The following AK9 variants were observed in gnomAD, a reference collection of about 807,000 sequenced individuals.
AK9 encodes the protein adenylate kinase domain containing 1.
A neutral mutation model predicts 239.6 loss-of-function variants in AK9; 191 were observed. The ratio of observed to expected loss-of-function variants is 0.80; its 90% CI spans 0.71 to 0.90. The LOEUF is 0.90. Among genes scored for constraint, AK9 ranks in the 40% least tolerant of loss-of-function variants. The probability of loss-of-function intolerance (pLI) is 0.00; values close to 1 mark genes in which losing one functional copy is unlikely to be tolerated. For missense variants in AK9, 1,995 were observed against 2,214.7 expected (o/e 0.90, Z 1.99); for synonymous variants, 689 against 721.0 (o/e 0.96, Z 0.71).
intron 6 of AK9, 144 bp from the exon 7 acceptor site, chr6:109,659,557 G>T: frequency 9.0e-7 from 1 of 1,105,198 alleles, no homozygotes; most frequent in Non-Finnish European, 1.2e-6. Flanking sequence ...CTGGCATTTT[G>T]CATCAGGTTT....
chr6:109,577,189 T>TA (rs1788208773), intron 20 of AK9, among the ~76,000 whole-genome samples: 1 of 152,156 alleles, frequency 6.6e-6, no homozygotes, highest in Non-Finnish European at 1.5e-5. Context: ...CTGAGGGTTT[T>TA]AATCATAAAG....
chr6:109,557,638 C>T (rs1785167955), intron 24 of AK9, among the ~76,000 whole-genome samples: 1 of 152,172 alleles, frequency 6.6e-6, no homozygotes, highest in Non-Finnish European at 1.5e-5. Flanking sequence ...ACCCCTCCTC[C>T]TATGTTGATG....
At chr6:109,500,458 T>C (rs1166782464) in intron 35 of AK9, among the ~76,000 whole-genome samples, 2 of 152,238 alleles carry the variant, frequency 1.3e-5, no homozygotes, top group African/African-American at 2.4e-5. Context: ...AAATACATTT[T>C]AGTTATAATG....
In AK9 at chr6:109,499,129, A is replaced by G. The variant is rs754683982; in HGVS notation, c.4961T>C (p.Phe1654Ser). Residue 1654 changes from phenylalanine to serine, a missense_variant, in exon 36 of 41, where the codon TTT (phenylalanine) becomes TCT (serine). Around this residue, in one of 5 missense-constraint regions of AK9, gnomAD observed 391 missense variants for 456.0 expected, o/e 0.86. Coordinates refer to ENST00000424296, the MANE Select transcript of AK9 (RefSeq NM_001145128.3). ...PVSLAESQEL[F>S]DCSATDSLEF... ...CAAGGAGTCAGTTGCAGAGCAATCA[A>G]ATAATTCCTGGGATTCTGCCAGGCT... 5.3e-5 allele frequency: 85 copies of G among 1,610,638 alleles called. 2 individuals carry two copies. Among genetic ancestry groups the G allele is most frequent in the South Asian group, 3.9e-4 (35 of 90,334 alleles).
intron 35 of AK9, among the ~76,000 whole-genome samples, chr6:109,500,502 T>G (rs906848910): frequency 1.3e-5 from 2 of 152,222 alleles, no homozygotes; most frequent in African/African-American, 2.4e-5. Flanking sequence ...GTTTTGTTAG[T>G]TGTCGTTTTA....
At chr6:109,618,054 T>C (rs1413501014) in intron 13 of AK9, among the ~76,000 whole-genome samples, 1 of 152,180 alleles carries the variant, frequency 6.6e-6, no homozygotes, top group African/African-American at 2.4e-5. Flanking sequence ...CGAATGGCTA[T>C]TATTACTTTT....
rs971613160 is a variant in AK9 at position 109,659,154 on chromosome 6, C to G, written c.630+74G>C. 2.1e-6 allele frequency: 3 copies of G among 1,419,280 alleles called. No homozygotes were observed. The African/African-American group carries it at 4.4e-5, about 21-fold the overall frequency. The allele number at this position is 1,419,280 out of a possible 1,614,324, so 87.9% of individuals were successfully genotyped here. A position where few individuals can be genotyped will look rare whatever the true frequency, so the allele number is the denominator to read the frequency against. On this transcript the variant is annotated intron_variant, in intron 7 of 40. Coordinates refer to ENST00000424296, the MANE Select transcript of AK9 (RefSeq NM_001145128.3). ...TATAGCATCTACTATTTCCTATTAC[C>G]TATACCATCATTTACCTTAATTATA... is the stretch of plus-strand genomic sequence containing the variant.
At chr6:109,660,272 C>A (rs923897095) in intron 6 of AK9, among the ~76,000 whole-genome samples, 8 of 152,050 alleles carry the variant, frequency 5.3e-5, no homozygotes, top group Admixed American at 3.3e-4. Flanking sequence ...AAAAAAAAAT[C>A]TGGATGGTTT....
intron 5 of AK9, among the ~76,000 whole-genome samples, chr6:109,662,880 G>C (rs1021529794): frequency 6.6e-5 from 10 of 151,950 alleles, no homozygotes; most frequent in Non-Finnish European, 8.8e-5. Flanking sequence ...CACTGGACTA[G>C]AAGAAGACAT....
intron 24 of AK9, among the ~76,000 whole-genome samples, chr6:109,562,520 G>T (rs914180702): frequency 2.0e-5 from 3 of 152,106 alleles, no homozygotes; most frequent in African/African-American, 4.8e-5. Flanking sequence ...CTGCCTGTTT[G>T]CAGGTCACAC....
chr6:109,503,970 C>T (rs1777852605), intron 35 of AK9, among the ~76,000 whole-genome samples: 2 of 152,316 alleles, frequency 1.3e-5, no homozygotes, highest in Admixed American at 6.5e-5. Context: ...CTTCTGTTCC[C>T]ACCACACTGC....
intron 13 of AK9, among the ~76,000 whole-genome samples, chr6:109,616,902 A>C (rs1477981585): frequency 6.6e-6 from 1 of 152,190 alleles, no homozygotes; most frequent in African/African-American, 2.4e-5. Flanking sequence ...CTCTCTGGAA[A>C]ACCCAAGAGA....
intron 33 of AK9, 38 bp downstream of exon 33, chr6:109,509,141 A>G: frequency 6.6e-7 from 1 of 1,521,192 alleles, no homozygotes; most frequent in South Asian, 1.2e-5. Context: ...TGAAAGATTT[A>G]ACTCCCTCTG....
At chr6:109,589,374 G>A (rs1436394133) in intron 17 of AK9, among the ~76,000 whole-genome samples, 1 of 152,078 alleles carries the variant, frequency 6.6e-6, no homozygotes, top group East Asian at 1.9e-4. Flanking sequence ...TTTGTTCTCA[G>A]CTTGATTGTT....
At position 109,497,939 on chromosome 6, in the gene AK9, G is replaced by C. The variant is rs768543401; in HGVS notation, c.5073C>G (p.Tyr1691Ter). 2.5e-6 allele frequency: 4 copies of C among 1,614,044 alleles called. No individual in the cohort carries two copies. The South Asian group carries it at 3.3e-5, about 13-fold the overall frequency. The change falls in exon 37 of 41, where the codon TAC becomes TAG. Residue 1691 changes from tyrosine to a stop codon, truncating the protein, a stop_gained. Coordinates refer to ENST00000424296, the MANE Select transcript of AK9 (RefSeq NM_001145128.3). LOFTEE classifies it high-confidence loss of function. ...GTGGATGAGGTGCTAAGGGAGGCAC[G>C]TACAATTCTGGGTTCTCCAAGAATT... Reference protein sequence around the residue: ...LNKFLENPELYVPPLAPHPLP... With the variant: ...LNKFLENPEL
intron 25 of AK9, chr6:109,549,854 C>T (rs544175806): frequency 1.3e-5 from 4 of 318,456 alleles, no homozygotes; most frequent in Admixed American, 4.8e-5. Flanking sequence ...TTAGTAGAGA[C>T]GGGGTTTCAC....
At chr6:109,579,451 G>C in intron 20 of AK9, 99 bp downstream of exon 20, 1 of 1,173,268 alleles carries the variant, frequency 8.5e-7, no homozygotes, top group Non-Finnish European at 1.2e-6. Flanking sequence ...GGACAAATTG[G>C]GAAATGTGAT....
At chr6:109,618,039 C>A (rs532882905) in intron 13 of AK9, among the ~76,000 whole-genome samples, 79 of 152,280 alleles carry the variant, frequency 5.2e-4, no homozygotes, top group Admixed American at 2.3e-3. Context: ...GTAGTAAATG[C>A]ATCACGAATG....
In AK9 at chr6:109,610,430, G is replaced by A. The variant is rs1236622822; in HGVS notation, c.1777C>T (p.Gln593Ter). ...TMIEETIKMS[Q>*]DINFEQPYEK... is the part of the protein sequence containing the mutation. The stretch of plus-strand genomic sequence containing the variant: ...TATGGCTGTTCAAAGTTTATATCCT[G>A]TGACATTTTTATAGTCTCTTCAATC... The change falls in exon 17 of 41, where the codon CAG becomes TAG. Residue 593 changes from glutamine to a stop codon, truncating the protein, a stop_gained. Coordinates refer to ENST00000424296, the MANE Select transcript of AK9 (RefSeq NM_001145128.3). LOFTEE classifies it high-confidence loss of function. 6.4e-7 allele frequency: 1 copy of A among 1,551,490 alleles called. No homozygotes were observed. Among genetic ancestry groups the A allele is most frequent in the East Asian group, 2.4e-5 (1 of 40,874 alleles).
Sources: gnomAD v4.1 joint callset for allele counts (sites outside exome capture counted in the v4.1 genomes callset) on GRCh38, gnomAD v4.1.1 for gene constraint, gnomAD v4.1.1 regional missense constraint, MANE v1.5 for transcripts, NCBI Gene and HGNC (gene_info 2026-07-23, HGNC 2026-07-21) for gene names.